Variants in GRIK3 observed in about 807,000 individuals in gnomAD.
GRIK3 encodes glutamate ionotropic receptor kainate type subunit 3.
A neutral mutation model predicts 102.5 loss-of-function variants in GRIK3; 29 were observed. The observed-to-expected ratio is 0.28, with a 90% CI of 0.21 to 0.39. The LOEUF (loss-of-function observed/expected upper bound fraction) is 0.39, where lower values mean the gene tolerates loss of function less well. Among genes scored for constraint, GRIK3 ranks in the 10% least tolerant of loss-of-function variants. The pLI is 1.00. For missense variants in GRIK3, 908 were observed against 1,252.4 expected (o/e 0.73, Z 4.15); for synonymous variants, 511 against 504.9 (o/e 1.01, Z -0.16).
chr1:36,887,423 A>G (rs556848375), intron 2 of GRIK3, among the ~76,000 whole-genome samples: 9 of 152,318 alleles, frequency 5.9e-5, no homozygotes, highest in African/African-American at 1.2e-4. Flanking sequence ...CATATATGCA[A>G]TAGAGATATC....
At chr1:36,891,120 G>A (rs1271489399) in intron 1 of GRIK3, 24 bp from the exon 2 acceptor site, 2 of 1,589,290 alleles carry the variant, frequency 1.3e-6, no homozygotes, top group Non-Finnish European at 1.7e-6. Flanking sequence ...GTAAAATTGT[G>A]TGTGGTTGGG....
chr1:36,917,581 C>T (rs745955496), intron 1 of GRIK3, among the ~76,000 whole-genome samples: 3 of 152,170 alleles, frequency 2.0e-5, no homozygotes, highest in Non-Finnish European at 4.4e-5. Flanking sequence ...GAATAAGTCT[C>T]ACGAGATTTA....
At chr1:36,813,555 C>T (rs952119073) in intron 13 of GRIK3, among the ~76,000 whole-genome samples, 2 of 152,184 alleles carry the variant, frequency 1.3e-5, no homozygotes, top group South Asian at 2.1e-4. Context: ...CACCACTGAT[C>T]TGCTGTGTGA....
intron 1 of GRIK3, among the ~76,000 whole-genome samples, chr1:36,960,272 G>A (rs367593425): frequency 2.7e-5 from 4 of 146,390 alleles, no homozygotes; most frequent in Non-Finnish European, 6.0e-5. Flanking sequence ...TCTGTGACCC[G>A]TGAGCCTGTG....
At chr1:36,894,298 C>A (rs1337537359) in intron 1 of GRIK3, among the ~76,000 whole-genome samples, 1 of 152,160 alleles carries the variant, frequency 6.6e-6, no homozygotes, top group Non-Finnish European at 1.5e-5. Context: ...TGTGCTTTTG[C>A]GGTTCATCCA....
chr1:36,921,666 T>C (rs968070242), intron 1 of GRIK3, among the ~76,000 whole-genome samples: 1 of 152,094 alleles, frequency 6.6e-6, no homozygotes, highest in Non-Finnish European at 1.5e-5. Flanking sequence ...GGTCTTGCAG[T>C]AGATGATAAG....
Position 36,880,620 on chromosome 1 carries a change from G to A in GRIK3, c.550+14C>T. 6.2e-7 allele frequency: 1 copy of A among 1,613,148 alleles called. No individual in the cohort carries two copies. Among genetic ancestry groups the A allele is most frequent in the Non-Finnish European group, 8.5e-7 (1 of 1,179,212 alleles). On this transcript the variant is annotated intron_variant, in intron 3 of 15. Transcript: ENST00000373091. The surrounding 1 kb of genome is among the most constrained non-coding windows in gnomAD (Gnocchi z 5.4). The stretch of plus-strand genomic sequence containing the variant: ...CAACCGTTGCCCCCAGCCTAGCCAG[G>A]CCTGGCCACCCACCTGTACTGTCGT...
At chr1:36,943,271 T>A (rs1032235031) in intron 1 of GRIK3, among the ~76,000 whole-genome samples, 15 of 152,092 alleles carry the variant, frequency 9.9e-5, no homozygotes, top group Non-Finnish European at 1.9e-4. Flanking sequence ...AAAAGAAGCA[T>A]GTGGCTGCAA....
At position 36,819,555 on chromosome 1, in the gene GRIK3, G is replaced by A. The variant is rs1642674009; in HGVS notation, c.1873+181C>T. On this transcript the variant is annotated intron_variant, in intron 12 of 15. Transcript: ENST00000373091. This position sits in a 1 kb window ranked among gnomAD's most constrained non-coding sequence, Gnocchi z 4.1. ...AGCTCCAGCCAGAGTGAAGGTGGAA[G>A]TTAGGGGTCTGGGGCAAGGGCACAC... Among the ~76,000 whole-genome samples, 1 of 152,254 alleles carries A rather than the reference G, an allele frequency of 6.6e-6. No homozygotes were observed. The highest frequency in any genetic ancestry group is 1.5e-5 in the Non-Finnish European group (1 of 68,046).
At chr1:36,988,818 C>G (rs1257998549) in intron 1 of GRIK3, among the ~76,000 whole-genome samples, 1 of 152,196 alleles carries the variant, frequency 6.6e-6, no homozygotes, top group Non-Finnish European at 1.5e-5. Flanking sequence ...TCCTTGACAA[C>G]TCTAACTGCA....
chr1:37,006,056 G>A (rs1480292326), intron 1 of GRIK3, among the ~76,000 whole-genome samples: 1 of 152,186 alleles, frequency 6.6e-6, no homozygotes, highest in Admixed American at 6.5e-5. Context: ...TAGCCACCGG[G>A]AGAAGGCGGT....
At chr1:36,893,319 G>T (rs1182347684) in intron 1 of GRIK3, among the ~76,000 whole-genome samples, 1 of 152,052 alleles carries the variant, frequency 6.6e-6, no homozygotes, top group East Asian at 1.9e-4. Flanking sequence ...TTTATAAAAA[G>T]CTCTTAAATT....
chr1:36,916,768 T>C (rs1332759933), intron 1 of GRIK3, among the ~76,000 whole-genome samples: 4 of 152,218 alleles, frequency 2.6e-5, no homozygotes, highest in Admixed American at 6.5e-5. Context: ...TGGAAACACC[T>C]GGATGCCCAG....
intron 1 of GRIK3, among the ~76,000 whole-genome samples, chr1:36,907,753 G>T (rs1400361726): frequency 6.6e-6 from 1 of 152,070 alleles, no homozygotes; most frequent in Non-Finnish European, 1.5e-5. Flanking sequence ...TAAGGGCTAG[G>T]TGGCTGCAAA....
At chr1:36,844,178 C>CCCA (rs1640493449) in intron 9 of GRIK3, among the ~76,000 whole-genome samples, 1 of 152,164 alleles carries the variant, frequency 6.6e-6, no homozygotes, top group Non-Finnish European at 1.5e-5. Context: ...AGGGAAAGAA[C>CCCA]TGGTGGGGGT....
intron 1 of GRIK3, among the ~76,000 whole-genome samples, chr1:37,003,136 G>C (rs1338693367): frequency 6.6e-6 from 1 of 150,450 alleles, no homozygotes; most frequent in African/African-American, 2.5e-5. Context: ...TGTTTGGCCC[G>C]ATTATAGCAA....
intron 1 of GRIK3, among the ~76,000 whole-genome samples, chr1:36,930,000 T>C (rs1570804687): frequency 6.6e-6 from 1 of 152,146 alleles, no homozygotes; most frequent in Admixed American, 6.5e-5. Flanking sequence ...TGACAGTCCA[T>C]AGAGTTGTTT....
At chr1:36,863,914 G>T (rs559561757) in intron 5 of GRIK3, among the ~76,000 whole-genome samples, 39 of 152,288 alleles carry the variant, frequency 2.6e-4, no homozygotes, top group African/African-American at 8.9e-4. Context: ...CTGGAATGTA[G>T]CGACAAGTGT....
intron 2 of GRIK3, among the ~76,000 whole-genome samples, chr1:36,887,950 T>C (rs1641060125): frequency 6.6e-6 from 1 of 151,992 alleles, no homozygotes; most frequent in Admixed American, 6.6e-5. Context: ...CTCTCAAACA[T>C]AGCTGTGGGG....
Sources: gnomAD v4.1 joint callset for allele counts (sites outside exome capture counted in the v4.1 genomes callset) on GRCh38, gnomAD v4.1.1 for gene constraint, Gnocchi (gnomAD v3.1) non-coding constraint, MANE v1.5 for transcripts, NCBI Gene and HGNC (gene_info 2026-07-23, HGNC 2026-07-21) for gene names.